SCARA5: variants seen among roughly 807,000 people sequenced by gnomAD.
SCARA5 encodes the protein scavenger receptor class A, member 5 (putative).
In SCARA5, 45 loss-of-function variants were observed where a neutral mutation model predicts 46.3. The ratio of observed to expected loss-of-function variants is 0.97; its 90% CI spans 0.76 to 1.24. The LOEUF is 1.24. Ranked by LOEUF, SCARA5 falls within the 50% of genes most tolerant of loss-of-function variation. The pLI is 0.00. For synonymous variants in SCARA5, 333 were observed against 306.5 expected, an observed-to-expected ratio of 1.09 and a Z score of -0.90; for missense variants, 680 against 689.0, an observed-to-expected ratio of 0.99 and a Z score of 0.15.
At chr8:27,880,099 A>ACTCC (rs1159788015) in intron 7 of SCARA5, among the ~76,000 whole-genome samples, 1 of 152,174 alleles carries the variant, frequency 6.6e-6, no homozygotes, top group Non-Finnish European at 1.5e-5. Flanking sequence ...TGGGGAAAGG[A>ACTCC]CTCCCTATTC....
chr8:27,942,487 C>A (rs374515399), intron 3 of SCARA5, among the ~76,000 whole-genome samples: 3 of 152,230 alleles, frequency 2.0e-5, no homozygotes, highest in Non-Finnish European at 2.9e-5. Context: ...TTGATCCCAG[C>A]CCCTTGACCT....
chr8:27,933,844 A>T (rs1301243944), intron 3 of SCARA5, among the ~76,000 whole-genome samples: 2 of 152,294 alleles, frequency 1.3e-5, no homozygotes, highest in African/African-American at 2.4e-5. Flanking sequence ...CATCAAAATC[A>T]TAATTATAAA....
intron 2 of SCARA5, among the ~76,000 whole-genome samples, chr8:27,981,919 C>G (rs1473605532): frequency 6.6e-6 from 1 of 152,064 alleles, no homozygotes; most frequent in African/African-American, 2.4e-5. Context: ...GCCAGCCCCT[C>G]CCAGGAAATC....
intron 7 of SCARA5, 90 bp downstream of exon 7, chr8:27,904,688 C>T: frequency 1.7e-6 from 2 of 1,169,394 alleles, no homozygotes; most frequent in Non-Finnish European, 2.6e-6. Flanking sequence ...ATGGCTCCAG[C>T]CTCTGAACCT....
chr8:27,975,365 A>G (rs1808506786), intron 2 of SCARA5, among the ~76,000 whole-genome samples: 1 of 152,146 alleles, frequency 6.6e-6, no homozygotes, highest in African/African-American at 2.4e-5. Context: ...AAATGTGAGT[A>G]AAGTGTTTCC....
At chr8:27,945,680 C>T (rs903597915) in intron 3 of SCARA5, among the ~76,000 whole-genome samples, 1 of 152,148 alleles carries the variant, frequency 6.6e-6, no homozygotes, top group Admixed American at 6.5e-5. Flanking sequence ...CTTATACTTC[C>T]TTGGTCCCCC....
At chr8:27,948,828 A>G (rs1351354935) in intron 3 of SCARA5, among the ~76,000 whole-genome samples, 1 of 152,278 alleles carries the variant, frequency 6.6e-6, no homozygotes, top group Non-Finnish European at 1.5e-5. Context: ...AGCCTTATCA[A>G]GGAAATTTAA....
At chr8:27,953,343 G>C (rs1808159051) in intron 3 of SCARA5, among the ~76,000 whole-genome samples, 1 of 152,242 alleles carries the variant, frequency 6.6e-6, no homozygotes, top group South Asian at 2.1e-4. Flanking sequence ...CAGCTAAGGA[G>C]CAGCCCTACA....
intron 7 of SCARA5, among the ~76,000 whole-genome samples, chr8:27,899,518 T>G (rs1467672789): frequency 6.6e-6 from 1 of 152,202 alleles, no homozygotes; most frequent in East Asian, 1.9e-4. Context: ...AACGTGGCCT[T>G]TCCCGAGAGG....
In SCARA5 at chr8:27,921,578, G is replaced by C. The variant is rs367921684; in HGVS notation, c.909C>G (p.Leu303=). The stretch of plus-strand genomic sequence containing the variant: ...GCAAGGGCCTGGCGGTACCTTTCGC[G>C]AGGGAGATGTTCCGCAGTGCGATGG... ...EHSIALRNIS[L]AKGPPGPKGD... is the part of the protein sequence containing the mutation. Residue 303 remains leucine, a synonymous_variant, in exon 4 of 9, where the codon CTC becomes CTG. Coordinates refer to ENST00000354914, the MANE Select transcript of SCARA5 (RefSeq NM_173833.6). 6.4e-7 allele frequency: 1 copy of C among 1,551,030 alleles called. No individual in the cohort carries two copies. The highest frequency in any genetic ancestry group is 1.8e-5 in the Admixed American group (1 of 55,462).
chr8:27,916,293 G>GTGTACGTGTATA (rs1807458977), intron 4 of SCARA5, among the ~76,000 whole-genome samples: 1 of 152,216 alleles, frequency 6.6e-6, no homozygotes, highest in South Asian at 2.1e-4. Context: ...AGTGTGGTGA[G>GTGTACGTGTATA]TGTATGTGTA....
intron 5 of SCARA5, among the ~76,000 whole-genome samples, chr8:27,908,816 G>A (rs1428087156): frequency 6.6e-6 from 1 of 152,148 alleles, no homozygotes; most frequent in East Asian, 1.9e-4. Flanking sequence ...TCCCTGAGAG[G>A]GGAGGGCCAG....
chr8:27,876,362 G>A (rs563915579), intron 8 of SCARA5, among the ~76,000 whole-genome samples: 6 of 152,268 alleles, frequency 3.9e-5, no homozygotes, highest in African/African-American at 1.4e-4. Flanking sequence ...ATCTCCTAAG[G>A]GGAGGACAGC....
intron 7 of SCARA5, among the ~76,000 whole-genome samples, chr8:27,897,817 C>T (rs1428333793): frequency 6.6e-6 from 1 of 152,268 alleles, no homozygotes; most frequent in East Asian, 1.9e-4. Flanking sequence ...TAACTCTGAA[C>T]ATAAACTCCA....
chr8:27,910,886 T>C (rs1807362811), intron 4 of SCARA5, among the ~76,000 whole-genome samples: 1 of 152,156 alleles, frequency 6.6e-6, no homozygotes, highest in African/African-American at 2.4e-5. Context: ...CTGTCATACA[T>C]GATTGGATAC....
chr8:27,957,926 T>C (rs1345050229), intron 3 of SCARA5, among the ~76,000 whole-genome samples: 2 of 152,204 alleles, frequency 1.3e-5, no homozygotes, highest in Non-Finnish European at 2.9e-5. Context: ...TTTTAGGCTC[T>C]GCAGGCACAC....
intron 4 of SCARA5, among the ~76,000 whole-genome samples, chr8:27,913,461 G>A (rs1459676558): frequency 6.6e-6 from 1 of 152,206 alleles, no homozygotes; most frequent in Non-Finnish European, 1.5e-5. Flanking sequence ...CCTTTCTTCA[G>A]AAACCCAAGC....
At chr8:27,982,190 G>C (rs1228533090) in intron 2 of SCARA5, among the ~76,000 whole-genome samples, 2 of 152,014 alleles carry the variant, frequency 1.3e-5, no homozygotes, top group Admixed American at 1.3e-4. Flanking sequence ...GGGGCCGTGG[G>C]GGCGAATGGG....
At chr8:27,930,910 A>G (rs933460761) in intron 3 of SCARA5, among the ~76,000 whole-genome samples, 2 of 152,182 alleles carry the variant, frequency 1.3e-5, no homozygotes, top group African/African-American at 4.8e-5. Context: ...GACTTCACAG[A>G]GCATCACATC....
Sources: allele counts gnomAD v4.1 joint callset (sites outside exome capture counted in the v4.1 genomes callset), GRCh38; gene constraint gnomAD v4.1.1; transcripts MANE v1.5; gene names NCBI Gene and HGNC (gene_info 2026-07-23, HGNC 2026-07-21).